ZNF621: variants seen among roughly 807,000 people sequenced by gnomAD.
The protein encoded by ZNF621 is zinc finger protein 621.
In ZNF621, 6 loss-of-function variants were observed where a neutral mutation model predicts 12.7. The observed-to-expected ratio is 0.47, with a 90% CI of 0.26 to 0.93. The LOEUF (loss-of-function observed/expected upper bound fraction) is 0.93. ZNF621 is among the 40% of genes least tolerant of loss of function. ZNF621 has a pLI of 0.15. For synonymous variants in ZNF621, 156 were observed against 190.3 expected (o/e 0.82, Z 1.48); for missense variants, 474 against 524.0 (o/e 0.90, Z 0.93).
At position 40,533,627 on chromosome 3, in the gene ZNF621, G is replaced by A. The variant is rs61569592; in HGVS notation, c.*537G>A. 7,325 of 154,874 alleles carry A rather than the reference G, an allele frequency of 0.047. 599 individuals are homozygous for A. Among genetic ancestry groups the A allele is most frequent in the African/African-American group, 0.17 (6,868 of 41,534 alleles). 9.6% of individuals were successfully genotyped at this position (154,874 alleles called of 1,614,324 possible). On this transcript the variant is annotated 3_prime_UTR_variant, in exon 5 of 5. Transcript: ENST00000339296. ...CTTTCAGGCTTGAACAACAGTGGCT[G>A]TATCTGCATCGTGGGGTTGCTGGTG...
chr3:40,530,057 GCA>G (rs1433032559), intron 3 of ZNF621, 150 bp from the exon 4 acceptor site: 5 of 600,372 alleles, frequency 8.3e-6, no homozygotes, highest in African/African-American at 1.9e-5. Flanking sequence ...TTATCGTGGA[GCA>G]CAGTTTGGAC....
At chr3:40,526,878 G>A (rs1050118599) in intron 2 of ZNF621, among the ~76,000 whole-genome samples, 4 of 152,076 alleles carry the variant, frequency 2.6e-5, no homozygotes, top group East Asian at 3.9e-4. Context: ...TTTTTGAGAC[G>A]GAGTTTCGCC....
At chr3:40,523,156 C>T (rs114181731), upstream of ZNF621, among the ~76,000 whole-genome samples, 625 of 151,456 alleles carry the variant, frequency 4.1e-3, no homozygotes, top group African/African-American at 6.4e-3. Flanking sequence ...TTCACTGATT[C>T]ATAGAAACTT....
intron 3 of ZNF621, 91 bp from the exon 4 acceptor site, chr3:40,530,118 C>A: frequency 9.5e-7 from 1 of 1,051,294 alleles, no homozygotes; most frequent in Non-Finnish European, 1.4e-6. Flanking sequence ...ATTTCTCTCC[C>A]AAGTAGCCTG....
Position 40,539,517 on chromosome 3 carries a change from T to G in ZNF621, c.*6427T>G, listed in dbSNP as rs539194490. On this transcript the variant is annotated 3_prime_UTR_variant, in exon 5 of 5. Coordinates refer to ENST00000339296, the MANE Select transcript of ZNF621 (RefSeq NM_198484.5). ...TAATATAGATTAAACATAACTTTTA[T>G]AGGTACTGGAAAATAAAAATAATTG... 6.6e-6 allele frequency: 1 copy of G among 152,366 alleles called. No individual in the cohort carries two copies. Among genetic ancestry groups the G allele is most frequent in the African/African-American group, 2.4e-5 (1 of 41,582 alleles). The allele number at this position is 152,366 out of a possible 1,614,324, so 9.4% of individuals were successfully genotyped here.
chr3:40,535,275 C>T lies in ZNF621; in HGVS notation c.*2185C>T, dbSNP rs974804788. ...TCTCAGTCACTTCCACTAAACAGTG[C>T]CAGTGTTTTAAGGTTCTGTCACACT... On this transcript the variant is annotated 3_prime_UTR_variant, in exon 5 of 5. Transcript: ENST00000339296. The T allele has an allele frequency of 6.6e-6, 1 of 152,258 alleles. No homozygotes were observed. The allele number at this position is 152,258 out of a possible 1,614,324, so 9.4% of individuals were successfully genotyped here. A position where few individuals can be genotyped will look rare whatever the true frequency, so the allele number is the denominator to read the frequency against.
At chr3:40,523,125 T>C (rs1698495501), upstream of ZNF621, among the ~76,000 whole-genome samples, 2 of 152,126 alleles carry the variant, frequency 1.3e-5, no homozygotes, top group Non-Finnish European at 2.9e-5. Context: ...CTTTTTCTCT[T>C]TTTAGGACTG....
Position 40,532,496 on chromosome 3 carries a change from G to A in ZNF621, c.726G>A (p.Lys242=). Residue 242 remains lysine (K), a synonymous_variant, in exon 5 of 5, where the codon AAG becomes AAA. Coordinates refer to ENST00000339296, the MANE Select transcript of ZNF621 (RefSeq NM_198484.5). ...CCTATGAATGTAAAGAGTGTGGAAA[G>A]GCTTTCCGTAGGAGTGCGGCATACC... The part of the protein sequence containing the change: ...EKPYECKECG[K]AFRRSAAYLQ... The A allele has an allele frequency of 6.2e-7, 1 of 1,614,164 alleles. No homozygotes were observed. Among genetic ancestry groups the A allele is most frequent in the Non-Finnish European group, 8.5e-7 (1 of 1,180,038 alleles).
At position 40,536,537 on chromosome 3, in the gene ZNF621, C is replaced by T. The variant is rs1318871494; in HGVS notation, c.*3447C>T. The stretch of plus-strand genomic sequence containing the variant: ...AAAGGTAGTTCTGTCTCTATCCTGT[C>T]TCCTTTATTCTGCTACTGCTCTCAT... On this transcript the variant is annotated 3_prime_UTR_variant, in exon 5 of 5. Transcript: ENST00000339296. 6.6e-6 allele frequency: 1 copy of T among 152,170 alleles called. No individual in the cohort carries two copies. The highest frequency in any genetic ancestry group is 1.5e-5 in the Non-Finnish European group (1 of 68,038). The allele number at this position is 152,170 out of a possible 1,614,324, so 9.4% of individuals were successfully genotyped here. A position where few individuals can be genotyped will look rare whatever the true frequency, so the allele number is the denominator to read the frequency against.
Position 40,533,420 on chromosome 3 carries a change from A to T in ZNF621, c.*330A>T. ...CCCCCCAAAGTGCTGGGATTACAGG[A>T]GTGAGCCACTGTGCCCAGCCTCCAA... On this transcript the variant is annotated 3_prime_UTR_variant, in exon 5 of 5. Transcript: ENST00000339296. 3.6e-6 allele frequency: 1 copy of T among 276,604 alleles called. No homozygotes were observed. The highest frequency in any genetic ancestry group is 6.8e-6 in the Non-Finnish European group (1 of 146,042). 17.1% of individuals were successfully genotyped at this position (276,604 alleles called of 1,614,324 possible).
rs749399521 is a variant in ZNF621 at position 40,533,068 on chromosome 3, C to T, written c.1298C>T (p.Thr433Ile). Residue 433 changes from threonine to isoleucine, a missense_variant, in exon 5 of 5, where the codon ACC becomes ATC. By Grantham distance (89) the Thr-to-Ile change is moderately conservative. Transcript: ENST00000339296. ...GTGAAACCTTCCCCAGTTATTCTCA[C>T]CCCTTCTTCTCACTCCTCATGAGCT... ...PTVKPSPVILTPSSHSS is the reference protein window; with the variant it reads ...PTVKPSPVILIPSSHSS 2 of 1,551,522 alleles carry T rather than the reference C, an allele frequency of 1.3e-6. No individual in the cohort carries two copies. The highest frequency in any genetic ancestry group is 2.7e-5 in the African/African-American group (2 of 73,048).
chr3:40,531,852 C>T (rs912690177), intron 4 of ZNF621, among the ~76,000 whole-genome samples, 178 bp from the exon 5 acceptor site: 1 of 152,220 alleles, frequency 6.6e-6, no homozygotes. Context: ...GCATGAGCCA[C>T]CACACCTGGC....
Position 40,532,702 on chromosome 3 carries a change from G to C in ZNF621, c.932G>C (p.Arg311Thr). Residue 311 changes from arginine to threonine, a missense_variant, in exon 5 of 5, where the codon AGA becomes ACA. Arg to Thr is a moderately conservative substitution (Grantham distance 71). Coordinates refer to ENST00000339296, the MANE Select transcript of ZNF621 (RefSeq NM_198484.5). ...AAAATAGCCTCCATTCAGCATCAGA[G>C]AGTTCACACTGGGGAGAAGCCTTAT... The part of the protein sequence containing the change: ...TQKIASIQHQ[R>T]VHTGEKPYEC... 1 of 1,614,190 alleles carries C rather than the reference G, an allele frequency of 6.2e-7. No homozygotes were observed. Among genetic ancestry groups the C allele is most frequent in the Non-Finnish European group, 8.5e-7 (1 of 1,180,024 alleles).
At position 40,539,317 on chromosome 3, in the gene ZNF621, C is replaced by T. The variant is rs1230857728; in HGVS notation, c.*6227C>T. The stretch of plus-strand genomic sequence containing the variant: ...AAATCTCTAGAGCCACACTAACCTT[C>T]AGCAACCACCACACCGATCATTCAG... On this transcript the variant is annotated 3_prime_UTR_variant, in exon 5 of 5. Coordinates refer to ENST00000339296, the MANE Select transcript of ZNF621 (RefSeq NM_198484.5). The T allele has an allele frequency of 1.3e-5, 2 of 152,244 alleles. No homozygotes were observed. Among genetic ancestry groups the T allele is most frequent in the Non-Finnish European group, 2.9e-5 (2 of 68,062 alleles). 9.4% of individuals were successfully genotyped at this position (152,244 alleles called of 1,614,324 possible).
At position 40,533,422 on chromosome 3, in the gene ZNF621, T is replaced by C. The variant is rs527816427; in HGVS notation, c.*332T>C. ...CCCCAAAGTGCTGGGATTACAGGAG[T>C]GAGCCACTGTGCCCAGCCTCCAACC... On this transcript the variant is annotated 3_prime_UTR_variant, in exon 5 of 5. Transcript: ENST00000339296. The C allele has an allele frequency of 1.5e-5, 4 of 271,510 alleles. No individual in the cohort carries two copies. In the South Asian group the frequency reaches 2.6e-4, roughly 18 times the overall value. 16.8% of individuals were successfully genotyped at this position (271,510 alleles called of 1,614,324 possible).
At chr3:40,531,949 C>T in intron 4 of ZNF621, 81 bp from the exon 5 acceptor site, 2 of 1,329,108 alleles carry the variant, frequency 1.5e-6, no homozygotes, top group Non-Finnish European at 2.1e-6. Flanking sequence ...AAATTACATT[C>T]TACAAGAGAA....
chr3:40,527,318 GTGT>G (rs914188045), intron 2 of ZNF621, among the ~76,000 whole-genome samples: 1 of 151,338 alleles, frequency 6.6e-6, no homozygotes, highest in African/African-American at 2.4e-5. Flanking sequence ...TGCCTGGCAA[GTGT>G]TGTCCATTTT....
At position 40,535,521 on chromosome 3, in the gene ZNF621, C is replaced by T. The variant is rs979555573; in HGVS notation, c.*2431C>T. ...GCTGGTGCCTGCTACTGGACTGCCA[C>T]CCCCCATTGAAGAGACTGGACCACC... On this transcript the variant is annotated 3_prime_UTR_variant, in exon 5 of 5. Coordinates refer to ENST00000339296, the MANE Select transcript of ZNF621 (RefSeq NM_198484.5). The T allele has an allele frequency of 5.3e-5, 8 of 152,304 alleles. No individual in the cohort carries two copies. The highest frequency in any genetic ancestry group is 4.6e-4 in the Admixed American group (7 of 15,284). 9.4% of individuals were successfully genotyped at this position (152,304 alleles called of 1,614,324 possible). A position where few individuals can be genotyped will look rare whatever the true frequency, so the allele number is the denominator to read the frequency against.
In ZNF621 at chr3:40,535,248, A is replaced by G. The variant is rs1698840381; in HGVS notation, c.*2158A>G. On this transcript the variant is annotated 3_prime_UTR_variant, in exon 5 of 5. Transcript: ENST00000339296. ...GCCGTATCTGATTCTTCACCACCGT[A>G]TTCTCAGTCACTTCCACTAAACAGT... The G allele has an allele frequency of 6.6e-6, 1 of 152,186 alleles. No individual in the cohort carries two copies. The highest frequency in any genetic ancestry group is 1.5e-5 in the Non-Finnish European group (1 of 68,034). The allele number at this position is 152,186 out of a possible 1,614,324, so 9.4% of individuals were successfully genotyped here.
Sources: allele counts gnomAD v4.1 joint callset (sites outside exome capture counted in the v4.1 genomes callset), GRCh38; gene constraint gnomAD v4.1.1; transcripts MANE v1.5; gene names NCBI Gene and HGNC (gene_info 2026-07-23, HGNC 2026-07-21).